SMTNL2: variants seen among roughly 807,000 people sequenced by gnomAD.
SMTNL2 encodes the protein smoothelin like 2.
A neutral mutation model predicts 44.1 loss-of-function variants in SMTNL2; 43 were observed. The ratio of observed to expected loss-of-function variants is 0.98; its 90% CI spans 0.76 to 1.26. SMTNL2 has a LOEUF of 1.26. Among genes scored for constraint, SMTNL2 ranks in the 50% most tolerant of loss-of-function variants. SMTNL2 has a pLI of 0.00. For synonymous variants in SMTNL2, 317 were observed against 287.6 expected, an observed-to-expected ratio of 1.10 and a Z score of -1.03; for missense variants, 646 against 670.2, an observed-to-expected ratio of 0.96 and a Z score of 0.40.
Position 4,595,297 on chromosome 17 carries a change from A to G in SMTNL2, c.959A>G (p.Glu320Gly), listed in dbSNP as rs1316123147. The change falls in exon 5 of 8, where the codon GAG becomes GGG. Residue 320 changes from glutamate (E) to glycine (G), a missense_variant. Coordinates refer to ENST00000389313, the MANE Select transcript of SMTNL2 (RefSeq NM_001114974.2). The surrounding 1 kb of genome is among the most constrained non-coding windows in gnomAD (Gnocchi z 5.1). Reference protein sequence around the residue: ...SEAQARKALFEKWEQETAAGK... With the variant: ...SEAQARKALFGKWEQETAAGK... ...GCGCAGGCCCGGAAAGCATTGTTTG[A>G]GAAGTGGGAGCAGGAAACGGCGGCC... 3.1e-6 allele frequency: 5 copies of G among 1,612,976 alleles called. No individual in the cohort carries two copies. The highest frequency in any genetic ancestry group is 4.2e-6 in the Non-Finnish European group (5 of 1,179,688).
At chr17:4,599,110 G>A (rs1909930403) in intron 7 of SMTNL2, among the ~76,000 whole-genome samples, 2 of 152,214 alleles carry the variant, frequency 1.3e-5, no homozygotes, top group South Asian at 2.1e-4. Context: ...ATCGAGACTG[G>A]CTCTGAGCTC....
In SMTNL2 at chr17:4,584,736, G is replaced by C; in HGVS notation, c.131G>C (p.Arg44Pro). 1 of 1,307,862 alleles carries C rather than the reference G, an allele frequency of 7.6e-7. No homozygotes were observed. The highest frequency in any genetic ancestry group is 9.7e-7 in the Non-Finnish European group (1 of 1,032,076). The allele number at this position is 1,307,862 out of a possible 1,614,324, so 81.0% of individuals were successfully genotyped here. The change falls in exon 1 of 8, where the codon CGG becomes CCG. Residue 44 changes from arginine to proline, a missense_variant. By Grantham distance (103) the Arg-to-Pro change is moderately radical. Transcript: ENST00000389313. ...DMRGLQRGVE[R>P]RVAEAMRLAG... The stretch of plus-strand genomic sequence containing the variant: ...CGGGGGCTGCAGCGCGGCGTGGAGC[G>C]GCGAGTGGCAGAGGCGATGCGCCTG...
intron 7 of SMTNL2, among the ~76,000 whole-genome samples, chr17:4,601,446 T>C (rs1158145930): frequency 6.6e-6 from 1 of 152,036 alleles, no homozygotes; most frequent in Admixed American, 6.6e-5. Flanking sequence ...CCATGTTAAC[T>C]CTGGTTCTTG....
In SMTNL2 at chr17:4,592,550, G is replaced by A. The variant is rs997761818; in HGVS notation, c.487+102G>A. 24 of 1,116,008 alleles carry A rather than the reference G, an allele frequency of 2.2e-5. No individual in the cohort carries two copies. The highest frequency in any genetic ancestry group is 2.8e-5 in the Non-Finnish European group (22 of 782,396). The allele number at this position is 1,116,008 out of a possible 1,614,324, so 69.1% of individuals were successfully genotyped here. A position where few individuals can be genotyped will look rare whatever the true frequency, so the allele number is the denominator to read the frequency against. ...GGCTGGCCCTTGGCCTGGCATCGGG[G>A]GGACTCTATCCTGAACCCCAGCAGG... On this transcript the variant is annotated intron_variant, in intron 2 of 7. Coordinates refer to ENST00000389313, the MANE Select transcript of SMTNL2 (RefSeq NM_001114974.2). The surrounding 1 kb of genome is among the most constrained non-coding windows in gnomAD (Gnocchi z 4.5).
Position 4,593,867 on chromosome 17 carries a change from G to A in SMTNL2, c.776G>A (p.Gly259Glu), listed in dbSNP as rs773465961. ...FTWSVPSSGY[G>E]AVTASKHSNS... ...TGGTCTGTGCCAAGCTCTGGCTATG[G>A]GGCAGTGACAGCAAGCAAACACAGC... is the stretch of plus-strand genomic sequence containing the variant. Residue 259 changes from glycine to glutamate, a missense_variant, in exon 4 of 8, where the codon GGG becomes GAG. Physicochemically the swap from Gly to Glu is moderately conservative, Grantham distance 98. Transcript: ENST00000389313. The A allele has an allele frequency of 2.5e-6, 4 of 1,613,876 alleles. No homozygotes were observed. Among genetic ancestry groups the A allele is most frequent in the Admixed American group, 1.7e-5 (1 of 60,002 alleles).
chr17:4,592,551 G>A lies in SMTNL2; in HGVS notation c.487+103G>A. On this transcript the variant is annotated intron_variant, in intron 2 of 7. Transcript: ENST00000389313. The surrounding 1 kb of genome is among the most constrained non-coding windows in gnomAD (Gnocchi z 4.5). ...GCTGGCCCTTGGCCTGGCATCGGGG[G>A]GACTCTATCCTGAACCCCAGCAGGG... is the stretch of plus-strand genomic sequence containing the variant. 1 of 1,106,582 alleles carries A rather than the reference G, an allele frequency of 9.0e-7. No individual in the cohort carries two copies. Among genetic ancestry groups the A allele is most frequent in the Non-Finnish European group, 1.3e-6 (1 of 774,314 alleles). 68.5% of individuals were successfully genotyped at this position (1,106,582 alleles called of 1,614,324 possible).
chr17:4,592,506 T>G lies in SMTNL2; in HGVS notation c.487+58T>G. ...TAGGTTTGGGGGTTAAGTAAGGCCTTGGTCAGGTATCTGTGCCAGGCTGGC... is the reference window on the plus strand; with the variant it reads ...TAGGTTTGGGGGTTAAGTAAGGCCTGGGTCAGGTATCTGTGCCAGGCTGGC... On this transcript the variant is annotated intron_variant, in intron 2 of 7. Coordinates refer to ENST00000389313, the MANE Select transcript of SMTNL2 (RefSeq NM_001114974.2). The surrounding 1 kb of genome is among the most constrained non-coding windows in gnomAD (Gnocchi z 4.5). 3 of 1,490,998 alleles carry G rather than the reference T, an allele frequency of 2.0e-6. No homozygotes were observed. The highest frequency in any genetic ancestry group is 2.8e-6 in the Non-Finnish European group (3 of 1,088,438). 92.4% of individuals were successfully genotyped at this position (1,490,998 alleles called of 1,614,324 possible). A position where few individuals can be genotyped will look rare whatever the true frequency, so the allele number is the denominator to read the frequency against.
Position 4,592,490 on chromosome 17 carries a change from G to T in SMTNL2, c.487+42G>T. Reference sequence around the variant, plus strand: ...AGGAGGGGTGGCTGGGTAGGTTTGGGGGTTAAGTAAGGCCTTGGTCAGGTA... The same window carrying T: ...AGGAGGGGTGGCTGGGTAGGTTTGGTGGTTAAGTAAGGCCTTGGTCAGGTA... On this transcript the variant is annotated intron_variant, in intron 2 of 7. Coordinates refer to ENST00000389313, the MANE Select transcript of SMTNL2 (RefSeq NM_001114974.2). This position sits in a 1 kb window ranked among gnomAD's most constrained non-coding sequence, Gnocchi z 4.5. 1 of 1,581,138 alleles carries T rather than the reference G, an allele frequency of 6.3e-7. No individual in the cohort carries two copies. The highest frequency in any genetic ancestry group is 1.1e-5 in the South Asian group (1 of 87,138).
chr17:4,590,951 G>C (rs1053898317), intron 1 of SMTNL2, among the ~76,000 whole-genome samples: 1 of 152,176 alleles, frequency 6.6e-6, no homozygotes, highest in Non-Finnish European at 1.5e-5. Context: ...CTGCGTCCTG[G>C]ACGGGCATGA....
At chr17:4,591,959 T>C (rs534240722) in intron 1 of SMTNL2, among the ~76,000 whole-genome samples, 2 of 152,382 alleles carry the variant, frequency 1.3e-5, no homozygotes, top group African/African-American at 4.8e-5. Flanking sequence ...CACTGGTTCC[T>C]GCTGCCCCTG....
chr17:4,607,685 C>A lies in SMTNL2; in HGVS notation c.*198C>A. 2.5e-6 allele frequency: 2 copies of A among 794,586 alleles called. No homozygotes were observed. The highest frequency in any genetic ancestry group is 1.7e-5 in the African/African-American group (1 of 57,270). 49.2% of individuals were successfully genotyped at this position (794,586 alleles called of 1,614,324 possible). On this transcript the variant is annotated 3_prime_UTR_variant, in exon 8 of 8. Transcript: ENST00000389313. The surrounding 1 kb of genome is among the most constrained non-coding windows in gnomAD (Gnocchi z 4.7). ...GTACTGCTGAGCTGTGGTCCGACAG[C>A]ACTGATCACAGCCAAGGGCTTGGAG...
chr17:4,595,707 G>A lies in SMTNL2; in HGVS notation c.989+380G>A, dbSNP rs1026141340. 3.3e-5 allele frequency among the ~76,000 whole-genome samples: 5 copies of A among 152,218 alleles called. No individual in the cohort carries two copies. Among genetic ancestry groups the A allele is most frequent in the African/African-American group, 1.2e-4 (5 of 41,460 alleles). On this transcript the variant is annotated intron_variant, in intron 5 of 7. Transcript: ENST00000389313. This position sits in a 1 kb window ranked among gnomAD's most constrained non-coding sequence, Gnocchi z 5.1. ...ATGACCGGGGACTGGATGGGGACTG[G>A]GATTCCTGGCCAGAGCTGGGAGCCC...
rs761944130 is a variant in SMTNL2 at position 4,584,859 on chromosome 17, G to A, written c.254G>A (p.Gly85Asp). Residue 85 changes from glycine (G) to aspartate (D), a missense_variant, in exon 1 of 8, where the codon GGC becomes GAC. Coordinates refer to ENST00000389313, the MANE Select transcript of SMTNL2 (RefSeq NM_001114974.2). ...ERLTRQVEAL[G>D]LASGMSPVPG... Reference sequence around the variant, plus strand: ...CTGACGCGCCAGGTGGAGGCGCTGGGCTTGGCCAGCGGGATGTCCCCGGTG... The same window carrying A: ...CTGACGCGCCAGGTGGAGGCGCTGGACTTGGCCAGCGGGATGTCCCCGGTG... The A allele has an allele frequency of 4.6e-6, 6 of 1,317,750 alleles. No homozygotes were observed. The South Asian group carries it at 1.2e-4, about 26-fold the overall frequency. The allele number at this position is 1,317,750 out of a possible 1,614,324, so 81.6% of individuals were successfully genotyped here. A position where few individuals can be genotyped will look rare whatever the true frequency, so the allele number is the denominator to read the frequency against.
rs1326490914 is a variant in SMTNL2, at chr17:4,595,243, G to T, written c.905G>T (p.Arg302Met). The T allele has an allele frequency of 2.5e-6, 4 of 1,613,148 alleles. No individual in the cohort carries two copies. Among genetic ancestry groups the T allele is most frequent in the Non-Finnish European group, 3.4e-6 (4 of 1,179,990 alleles). ...RQGERRRELV[R>M]SQTLPRTSEA... ...GGGGAGCGTCGCAGGGAGCTGGTGA[G>T]GTCGCAGACGCTGCCCCGCACCTCG... The change falls in exon 5 of 8, where the codon AGG becomes ATG. Residue 302 changes from arginine (R) to methionine (M), a missense_variant. By Grantham distance (91) the Arg-to-Met change is moderately conservative. Transcript: ENST00000389313. This position sits in a 1 kb window ranked among gnomAD's most constrained non-coding sequence, Gnocchi z 5.1.
intron 7 of SMTNL2, among the ~76,000 whole-genome samples, 155 bp downstream of exon 7, chr17:4,597,478 G>A (rs1271303885): frequency 6.6e-6 from 1 of 152,258 alleles, no homozygotes; most frequent in Non-Finnish European, 1.5e-5. Context: ...CTCTTGTGCA[G>A]ATGGGAAGAC....
intron 7 of SMTNL2, among the ~76,000 whole-genome samples, chr17:4,605,544 C>T (rs1456407151): frequency 6.6e-6 from 1 of 152,148 alleles, no homozygotes; most frequent in African/African-American, 2.4e-5. Flanking sequence ...TCATACCACT[C>T]TTTCGAGGTG....
chr17:4,586,017 A>G (rs1046435862), intron 1 of SMTNL2, among the ~76,000 whole-genome samples: 7 of 152,112 alleles, frequency 4.6e-5, no homozygotes, highest in Non-Finnish European at 8.8e-5. Flanking sequence ...CTCAGTGGGT[A>G]TCTCAGCAAG....
intron 7 of SMTNL2, among the ~76,000 whole-genome samples, chr17:4,606,494 G>T (rs897111677): frequency 6.6e-6 from 1 of 151,690 alleles, no homozygotes; most frequent in Non-Finnish European, 1.5e-5. Context: ...ACTGTGGGTC[G>T]CCTGTGCCTG....
chr17:4,599,404 G>T (rs1909940216), intron 7 of SMTNL2, among the ~76,000 whole-genome samples: 1 of 152,136 alleles, frequency 6.6e-6, no homozygotes, highest in African/African-American at 2.4e-5. Flanking sequence ...CCCAGACGTG[G>T]CAACCGTCAA....
Sources: allele counts gnomAD v4.1 joint callset (sites outside exome capture counted in the v4.1 genomes callset), GRCh38; gene constraint gnomAD v4.1.1; non-coding constraint Gnocchi (gnomAD v3.1); transcripts MANE v1.5; gene names NCBI Gene and HGNC (gene_info 2026-07-23, HGNC 2026-07-21).